SCN9A: variants seen among roughly 807,000 people sequenced by gnomAD.
SCN9A encodes sodium voltage-gated channel alpha subunit 9.
In SCN9A, 131 loss-of-function variants were observed where a neutral mutation model predicts 187.0. The observed-to-expected ratio is 0.70, with a 90% CI of 0.61 to 0.81. The LOEUF (loss-of-function observed/expected upper bound fraction) is 0.81. SCN9A is among the 30% of genes least tolerant of loss of function. SCN9A has a pLI of 0.00. For missense variants in SCN9A, 2,252 were observed against 2,396.6 expected, an observed-to-expected ratio of 0.94 and a Z score of 1.26; for synonymous variants, 809 against 808.6, an observed-to-expected ratio of 1.00 and a Z score of -0.01.
intron 1 of SCN9A, among the ~76,000 whole-genome samples, chr2:166,335,409 A>G (rs1440132752): frequency 6.6e-6 from 1 of 152,184 alleles, no homozygotes; most frequent in Non-Finnish European, 1.5e-5. Flanking sequence ...CCTGGAACAA[A>G]GCCACAGCTG....
intron 1 of SCN9A, among the ~76,000 whole-genome samples, chr2:166,342,751 T>C (rs1699816284): frequency 6.6e-6 from 1 of 152,226 alleles, no homozygotes; most frequent in East Asian, 1.9e-4. Flanking sequence ...ATCATTATTT[T>C]TTAAATCTAT....
rs1019846579 is a variant in SCN9A, at chr2:166,196,863, A to G, written c.*1809T>C. On this transcript the variant is annotated 3_prime_UTR_variant, in exon 27 of 27. Transcript: ENST00000642356. ...AATCTTTAGCCCTAGATTGAGTTTT[A>G]TACGTAGATTAGGACAAATGTCTCA... 2.0e-5 allele frequency: 3 copies of G among 152,096 alleles called. No homozygotes were observed. The highest frequency in any genetic ancestry group is 4.4e-5 in the Non-Finnish European group (3 of 67,970). 9.4% of individuals were successfully genotyped at this position (152,096 alleles called of 1,614,324 possible). A position where few individuals can be genotyped will look rare whatever the true frequency, so the allele number is the denominator to read the frequency against.
chr2:166,220,243 A>T (rs1367810844), intron 24 of SCN9A, among the ~76,000 whole-genome samples: 1 of 152,220 alleles, frequency 6.6e-6, no homozygotes, highest in Non-Finnish European at 1.5e-5. Context: ...AACTAAAAAA[A>T]GAAAACAAAA....
intron 17 of SCN9A, among the ~76,000 whole-genome samples, chr2:166,260,332 G>T (rs1376572258): frequency 6.6e-6 from 1 of 151,572 alleles, no homozygotes; most frequent in African/African-American, 2.4e-5. Context: ...AGTGAATCAG[G>T]TGAACAATAT....
At position 166,336,912 on chromosome 2, in the gene SCN9A, T is replaced by C. The variant is rs7559171; in HGVS notation, c.-50-25106A>G. Among the ~76,000 whole-genome samples the C allele has an allele frequency of 9.4e-3, 1,427 of 152,202 alleles. 33 individuals are homozygous for C. Among genetic ancestry groups the C allele is most frequent in the African/African-American group, 0.031 (1,295 of 41,542 alleles). ...ATTGACTGATTATTTTCATTATTTT[T>C]AAGGGACTATTTCCTTAACAAAGAA... is the stretch of plus-strand genomic sequence containing the variant. On this transcript the variant is annotated intron_variant, in intron 1 of 26. Transcript: ENST00000642356.
At chr2:166,308,661 G>A (rs574292008) in intron 2 of SCN9A, among the ~76,000 whole-genome samples, 62 of 152,146 alleles carry the variant, frequency 4.1e-4, no homozygotes, top group Non-Finnish European at 7.9e-4. Context: ...GGTGGCTCAC[G>A]CCTGTGTTCC....
At chr2:166,340,466 G>A (rs1396652953) in intron 1 of SCN9A, among the ~76,000 whole-genome samples, 18 of 151,398 alleles carry the variant, frequency 1.2e-4, no homozygotes, top group African/African-American at 7.3e-5. Context: ...ATATCACAAC[G>A]TTTTCTTTCT....
chr2:166,293,752 G>C (rs530507630), intron 8 of SCN9A, among the ~76,000 whole-genome samples: 12 of 152,276 alleles, frequency 7.9e-5, no homozygotes, highest in African/African-American at 2.4e-4. Flanking sequence ...TCTTGGTTCA[G>C]TAAATATTGA....
At position 166,228,940 on chromosome 2, in the gene SCN9A, A is replaced by C; in HGVS notation, c.3957T>G (p.Pro1319=). The change falls in exon 22 of 27, where the codon CCT becomes CCG. Residue 1319 remains proline (P), a synonymous_variant. Coordinates refer to ENST00000642356, the MANE Select transcript of SCN9A (RefSeq NM_001365536.1). ...ACACAAGTAGCACATTCATGATGGA[A>C]GGAATTGCTCCTATGAGTGCATTCA... ...VVVNALIGAI[P]SIMNVLLVCL... 1 of 1,613,736 alleles carries C rather than the reference A, an allele frequency of 6.2e-7. No homozygotes were observed. The highest frequency in any genetic ancestry group is 8.5e-7 in the Non-Finnish European group (1 of 1,179,624).
intron 3 of SCN9A, 45 bp downstream of exon 3, chr2:166,306,911 T>G (rs1430276347): frequency 9.0e-7 from 1 of 1,110,516 alleles, no homozygotes; most frequent in Admixed American, 2.1e-5. Flanking sequence ...TAGCAAAAAT[T>G]ACACCATAAA....
chr2:166,281,825 T>C lies in SCN9A; in HGVS notation c.1975-17A>G, dbSNP rs145027568. ...GGTCGTGCCCTAAAAAAAAAATCAA[T>C]TAATGTCTTAAGAACAGAATCCTAA... On this transcript the variant is annotated splice_polypyrimidine_tract_variant and intron_variant, in intron 12 of 26. Transcript: ENST00000642356. The C allele has an allele frequency of 7.4e-5, 119 of 1,599,914 alleles. No homozygotes were observed. In the East Asian group the frequency reaches 2.6e-3, roughly 35 times the overall value.
intron 1 of SCN9A, among the ~76,000 whole-genome samples, chr2:166,335,806 A>C (rs1699612130): frequency 6.6e-6 from 1 of 152,138 alleles, no homozygotes; most frequent in Non-Finnish European, 1.5e-5. Flanking sequence ...AATGATAAAT[A>C]ATGATGATTA....
chr2:166,263,134 C>T (rs530557797), intron 17 of SCN9A, among the ~76,000 whole-genome samples: 118 of 152,036 alleles, frequency 7.8e-4, no homozygotes, highest in South Asian at 5.8e-3. Context: ...GAAGAAAGGC[C>T]TGACCCTCTT....
At chr2:166,311,397 A>G (rs1261252292) in intron 2 of SCN9A, 102 bp downstream of exon 2, 7 of 357,968 alleles carry the variant, frequency 2.0e-5, no homozygotes, top group Non-Finnish European at 8.2e-6. Flanking sequence ...CATTCTGGTC[A>G]TGATATGGTT....
chr2:166,275,212 T>C (rs1484158273), intron 16 of SCN9A, among the ~76,000 whole-genome samples: 12 of 152,322 alleles, frequency 7.9e-5, no homozygotes, highest in Admixed American at 5.2e-4. Context: ...AAATTATTTG[T>C]GATTATTGGC....
intron 9 of SCN9A, 103 bp downstream of exon 9, chr2:166,293,128 C>A: frequency 1.0e-6 from 1 of 995,052 alleles, no homozygotes; most frequent in Non-Finnish European, 1.5e-6. Context: ...ATAGAGTTTC[C>A]TCCATTCTCA....
chr2:166,284,525 G>T lies in SCN9A; in HGVS notation c.1902C>A (p.Arg634=), dbSNP rs769677632. ...GTCCATTGGGGAGCATGAGGGCTGA[G>T]CGTCCATCAACCAGGGAGACCACAC... ...CNGVVSLVDG[R]SALMLPNGQL... Residue 634 remains arginine, a synonymous_variant, in exon 12 of 27, where the codon CGC becomes CGA. Coordinates refer to ENST00000642356, the MANE Select transcript of SCN9A (RefSeq NM_001365536.1). The T allele has an allele frequency of 6.2e-7, 1 of 1,614,130 alleles. No individual in the cohort carries two copies. The highest frequency in any genetic ancestry group is 1.7e-5 in the Admixed American group (1 of 60,022).
At chr2:166,261,435 A>C (rs1004612396) in intron 17 of SCN9A, among the ~76,000 whole-genome samples, 1 of 151,934 alleles carries the variant, frequency 6.6e-6, no homozygotes, top group African/African-American at 2.4e-5. Flanking sequence ...GCTTCGTTCT[A>C]TTTCTTTCTC....
chr2:166,265,142 T>C (rs1373593655), intron 17 of SCN9A, among the ~76,000 whole-genome samples: 3 of 151,972 alleles, frequency 2.0e-5, no homozygotes, highest in East Asian at 3.9e-4. Context: ...AACGATTCAA[T>C]AGAACACCAG....
Sources: allele counts gnomAD v4.1 joint callset (sites outside exome capture counted in the v4.1 genomes callset), GRCh38; gene constraint gnomAD v4.1.1; transcripts MANE v1.5; gene names NCBI Gene and HGNC (gene_info 2026-07-23, HGNC 2026-07-21).